The following APBA1 variants were observed in gnomAD, a reference collection of about 807,000 sequenced individuals.
The protein encoded by APBA1 is amyloid-beta A4 precursor protein-binding family A member 1.
A neutral mutation model predicts 86.6 loss-of-function variants in APBA1; 55 were observed. The ratio of observed to expected loss-of-function variants is 0.64; its 90% confidence interval spans 0.51 to 0.80. The LOEUF is 0.80. Ranked by LOEUF, APBA1 falls within the 30% of genes least tolerant of loss-of-function variation. The pLI is 0.00. For synonymous variants in APBA1, 511 were observed against 493.9 expected (o/e 1.03, Z -0.46); for missense variants, 1,090 against 1,183.0 (o/e 0.92, Z 1.15).
At position 69,517,064 on chromosome 9, in the gene APBA1, G is replaced by A. The variant is rs1836174182; in HGVS notation, c.147C>T (p.Gly49=). ...QQPPQQQHYV[G]RHQRGRALED... ...CGAGGGCTCGCCCGCGCTGGTGGCG[G>A]CCCACATAGTGCTGCTGCTGCGGCG... The change falls in exon 2 of 13, where the codon GGC becomes GGT. Residue 49 remains glycine (G), a synonymous_variant. Coordinates refer to ENST00000265381, the MANE Select transcript of APBA1 (RefSeq NM_001163.4). The A allele has an allele frequency of 6.3e-7, 1 of 1,584,502 alleles. No individual in the cohort carries two copies. Among genetic ancestry groups the A allele is most frequent in the Non-Finnish European group, 8.5e-7 (1 of 1,171,276 alleles).
At position 69,631,887 on chromosome 9, in the gene APBA1, C is replaced by T. The variant is rs147741022; in HGVS notation, c.-70+40266G>A. On this transcript the variant is annotated intron_variant, in intron 1 of 12. Transcript: ENST00000265381. ...CACTTGGACACAGGGTGGGGAACAT[C>T]ACACACTGGGACCTGTCGTGGGGTT... is the stretch of plus-strand genomic sequence containing the variant. Among the ~76,000 whole-genome samples, 281 of 152,174 alleles carry T rather than the reference C, an allele frequency of 1.8e-3. 4 individuals are homozygous for T. In the East Asian group the frequency reaches 0.045, roughly 25 times the overall value.
intron 1 of APBA1, among the ~76,000 whole-genome samples, chr9:69,564,741 GCAGCCACTTGGAAGA>G (rs1273381216): frequency 6.6e-6 from 1 of 152,142 alleles, no homozygotes; most frequent in East Asian, 1.9e-4. Context: ...GTAAAATGAT[GCAGCCACTTGGAAGA>G]CTGTATGGCT....
chr9:69,649,422 C>G (rs550447420), intron 1 of APBA1, among the ~76,000 whole-genome samples: 1 of 152,276 alleles, frequency 6.6e-6, no homozygotes, highest in East Asian at 1.9e-4. Flanking sequence ...CACACCCTCT[C>G]CCTTCTGCCC....
chr9:69,640,826 T>C (rs1823271627), intron 1 of APBA1, among the ~76,000 whole-genome samples: 1 of 152,036 alleles, frequency 6.6e-6, no homozygotes, highest in African/African-American at 2.4e-5. Flanking sequence ...ACACCGCACT[T>C]AATGGTGAAA....
chr9:69,565,606 A>G (rs1282619582), intron 1 of APBA1, among the ~76,000 whole-genome samples: 1 of 152,164 alleles, frequency 6.6e-6, no homozygotes, highest in Non-Finnish European at 1.5e-5. Context: ...ATTTATCCCA[A>G]GAAATCCCAT....
In APBA1 at chr9:69,432,722, T is replaced by G. The variant is rs776331928; in HGVS notation, c.2302-46A>C. 3 of 1,433,520 alleles carry G rather than the reference T, an allele frequency of 2.1e-6. No homozygotes were observed. In the South Asian group the frequency reaches 4.8e-5, roughly 23 times the overall value. The allele number at this position is 1,433,520 out of a possible 1,614,324, so 88.8% of individuals were successfully genotyped here. ...GTTACCCTCATTGCAGACAGTGCGG[T>G]GGGGCTGGAAGGCCGTCTTTCCTGA... On this transcript the variant is annotated intron_variant, in intron 11 of 12. Coordinates refer to ENST00000265381, the MANE Select transcript of APBA1 (RefSeq NM_001163.4).
At chr9:69,639,915 G>T (rs866613013) in intron 1 of APBA1, among the ~76,000 whole-genome samples, 38 of 152,010 alleles carry the variant, frequency 2.5e-4, no homozygotes, top group African/African-American at 8.5e-4. Flanking sequence ...CATCTAAATG[G>T]AGTCCATTGA....
At chr9:69,598,033 C>T (rs1023661782) in intron 1 of APBA1, among the ~76,000 whole-genome samples, 2 of 151,510 alleles carry the variant, frequency 1.3e-5, no homozygotes, top group Non-Finnish European at 2.9e-5. Flanking sequence ...TGGAACCAAC[C>T]CAAATGTCCA....
rs117139015 is a variant in APBA1 at position 69,571,234 on chromosome 9, A to G, written c.-69-53955T>C. ...ACTAAATTATAAAAATAACCACATT[A>G]GAGAAAAGGAGAAATTGCCCATAAC... On this transcript the variant is annotated intron_variant, in intron 1 of 12. Coordinates refer to ENST00000265381, the MANE Select transcript of APBA1 (RefSeq NM_001163.4). Among the ~76,000 whole-genome samples the G allele has an allele frequency of 3.5e-4, 53 of 152,360 alleles. No homozygotes were observed. In the East Asian group the frequency reaches 9.8e-3, roughly 28 times the overall value.
At chr9:69,575,833 C>T (rs1821783726) in intron 1 of APBA1, among the ~76,000 whole-genome samples, 1 of 152,132 alleles carries the variant, frequency 6.6e-6, no homozygotes. Flanking sequence ...AAGGCAATGG[C>T]AACAAAAGCC....
chr9:69,608,664 C>T (rs1002089423), intron 1 of APBA1, among the ~76,000 whole-genome samples: 3 of 152,168 alleles, frequency 2.0e-5, no homozygotes, highest in Middle Eastern at 3.2e-3. Flanking sequence ...CCCTTTGAGT[C>T]CCCTTCTCCC....
At chr9:69,481,812 C>T (rs1257878013) in intron 2 of APBA1, among the ~76,000 whole-genome samples, 14 of 151,846 alleles carry the variant, frequency 9.2e-5, no homozygotes, top group South Asian at 2.1e-4. Flanking sequence ...TCAGAAATAA[C>T]GCCGCATGTC....
chr9:69,483,189 G>A (rs1835550701), intron 2 of APBA1, among the ~76,000 whole-genome samples: 2 of 151,344 alleles, frequency 1.3e-5, no homozygotes, highest in Admixed American at 1.3e-4. Flanking sequence ...CACAGCAATG[G>A]TCCTCTGAGA....
chr9:69,640,765 T>C (rs2134007530), intron 1 of APBA1, among the ~76,000 whole-genome samples: 1 of 152,068 alleles, frequency 6.6e-6, no homozygotes, highest in African/African-American at 2.4e-5. Flanking sequence ...CTCAACAAAC[T>C]AGAAATAGAA....
Position 69,449,823 on chromosome 9 carries a change from C to A in APBA1, c.1969-27G>T, listed in dbSNP as rs755063291. 2.2e-5 allele frequency: 35 copies of A among 1,596,064 alleles called. No homozygotes were observed. In the South Asian group the frequency reaches 3.8e-4, roughly 17 times the overall value. ...TGGAAGGAGAAAAACATTTAGAAAA[C>A]CTCCATCAGTGACCATCTGGGGTAG... On this transcript the variant is annotated intron_variant, in intron 9 of 12. Coordinates refer to ENST00000265381, the MANE Select transcript of APBA1 (RefSeq NM_001163.4).
intron 2 of APBA1, among the ~76,000 whole-genome samples, chr9:69,506,105 C>A (rs557044585): frequency 1.6e-4 from 25 of 151,778 alleles, no homozygotes; most frequent in African/African-American, 6.1e-4. Context: ...CAGCTCCCAG[C>A]GAGAGCGACA....
At chr9:69,557,068 A>G (rs1194047955) in intron 1 of APBA1, among the ~76,000 whole-genome samples, 2 of 152,234 alleles carry the variant, frequency 1.3e-5, no homozygotes, top group Non-Finnish European at 2.9e-5. Context: ...GCTGTAGATG[A>G]ACAAATTAGG....
intron 1 of APBA1, among the ~76,000 whole-genome samples, chr9:69,551,334 A>G (rs1233790580): frequency 2.6e-5 from 4 of 152,112 alleles, no homozygotes; most frequent in African/African-American, 9.7e-5. Context: ...TGGGCGGAAC[A>G]TGAGGTCAGG....
chr9:69,645,746 C>T (rs1044672310), intron 1 of APBA1, among the ~76,000 whole-genome samples: 6 of 152,174 alleles, frequency 3.9e-5, no homozygotes, highest in Admixed American at 1.3e-4. Context: ...CCAGCAGCTG[C>T]GATTAAGGTC....
Sources: gnomAD v4.1 joint callset for allele counts (sites outside exome capture counted in the v4.1 genomes callset) on GRCh38, gnomAD v4.1.1 for gene constraint, MANE v1.5 for transcripts, NCBI Gene and HGNC (gene_info 2026-07-23, HGNC 2026-07-21) for gene names.